SHROOM3: variants seen among roughly 807,000 people sequenced by gnomAD.
SHROOM3 encodes the protein shroom family member 3, also known as protein Shroom3.
SHROOM3 carries 47 observed loss-of-function variants against 138.6 expected under a neutral mutation model. The ratio of observed to expected loss-of-function variants is 0.34; its 90% CI spans 0.27 to 0.43. The LOEUF is 0.43. Among genes scored for constraint, SHROOM3 ranks in the 20% least tolerant of loss-of-function variants. The pLI, the probability that SHROOM3 is intolerant of heterozygous loss-of-function variation, is 1.00. For synonymous variants in SHROOM3, 1,062 were observed against 1,063.3 expected (o/e 1.00, Z 0.02); for missense variants, 2,491 against 2,596.5 (o/e 0.96, Z 0.88).
At chr4:76,463,341 G>A (rs944123098) in intron 1 of SHROOM3, among the ~76,000 whole-genome samples, 1 of 152,214 alleles carries the variant, frequency 6.6e-6, no homozygotes, top group Admixed American at 6.5e-5. Flanking sequence ...TTTCTAAGCA[G>A]CAAAGCATTC....
At chr4:76,720,786 A>G (rs1720522491) in intron 3 of SHROOM3, among the ~76,000 whole-genome samples, 1 of 150,916 alleles carries the variant, frequency 6.6e-6, no homozygotes, top group Admixed American at 6.6e-5. Flanking sequence ...TAATTTTTGT[A>G]TTTTTACTAG....
chr4:76,550,289 T>A (rs1397210766), intron 1 of SHROOM3, among the ~76,000 whole-genome samples: 1 of 152,104 alleles, frequency 6.6e-6, no homozygotes, highest in Non-Finnish European at 1.5e-5. Flanking sequence ...AAAATACTTG[T>A]GAGATGAATG....
chr4:76,744,226 C>T (rs183876952), intron 5 of SHROOM3, among the ~76,000 whole-genome samples: 102 of 152,324 alleles, frequency 6.7e-4, no homozygotes, highest in African/African-American at 2.4e-3. Flanking sequence ...AGTACTTGGG[C>T]ACCCTTTTCA....
intron 2 of SHROOM3, among the ~76,000 whole-genome samples, chr4:76,605,974 C>CATATATATATACATAT (rs1239691520): frequency 3.1e-5 from 4 of 130,290 alleles, no homozygotes; most frequent in Non-Finnish European, 3.2e-5. Context: ...TATATATACA[C>CATATATATATACATAT]ATATACACAC....
chr4:76,507,639 C>T (rs1732240709), intron 1 of SHROOM3, among the ~76,000 whole-genome samples: 1 of 151,406 alleles, frequency 6.6e-6, no homozygotes, highest in South Asian at 2.1e-4. Context: ...CAGGTTCATG[C>T]CATTCTCCTG....
intron 2 of SHROOM3, among the ~76,000 whole-genome samples, chr4:76,703,858 C>A (rs776714521): frequency 1.3e-5 from 2 of 152,198 alleles, no homozygotes; most frequent in African/African-American, 2.4e-5. Context: ...ATAAATGCAT[C>A]CTGTCTACTT....
At chr4:76,670,361 C>T (rs561752898) in intron 2 of SHROOM3, among the ~76,000 whole-genome samples, 1 of 152,118 alleles carries the variant, frequency 6.6e-6, no homozygotes, top group East Asian at 1.9e-4. Flanking sequence ...TATTGTGATT[C>T]AAGTTATTTG....
chr4:76,721,556 T>C (rs1720553004), intron 3 of SHROOM3, among the ~76,000 whole-genome samples: 1 of 152,188 alleles, frequency 6.6e-6, no homozygotes, highest in Non-Finnish European at 1.5e-5. Flanking sequence ...TGAGGGCTTT[T>C]ATTTGAGAAG....
chr4:76,507,126 T>C (rs933648662), intron 1 of SHROOM3, among the ~76,000 whole-genome samples: 7 of 152,308 alleles, frequency 4.6e-5, no homozygotes, highest in African/African-American at 1.7e-4. Context: ...AGTTATCACA[T>C]AACTTTATGC....
chr4:76,770,970 C>A, intron 10 of SHROOM3, 72 bp downstream of exon 10: 1 of 1,575,178 alleles, frequency 6.3e-7, no homozygotes, highest in Non-Finnish European at 8.7e-7. Flanking sequence ...CGCCATTAGA[C>A]GCCATCCTTT....
intron 2 of SHROOM3, chr4:76,639,740 C>T (rs753480096): frequency 1.3e-5 from 5 of 396,024 alleles, no homozygotes; most frequent in African/African-American, 4.1e-5. Flanking sequence ...ACCACTACAG[C>T]GTTACTCTTC....
chr4:76,688,619 C>T (rs934907287), intron 2 of SHROOM3: 103 of 985,256 alleles, frequency 1.0e-4, no homozygotes, highest in Non-Finnish European at 1.2e-4. Flanking sequence ...TTGAAAGAGG[C>T]TGGAAGAACC....
intron 2 of SHROOM3, chr4:76,689,826 GGGCTTTCACGGCCAGCACCCCGGCT>G: frequency 1.1e-6 from 1 of 872,720 alleles, no homozygotes; most frequent in Non-Finnish European, 1.4e-6. Context: ...TGGCTCCCAG[GGGCTTTCACGGCCAGCACCCCGGCT>G]GATGGGGGCA....
chr4:76,546,737 C>T (rs1733227984), intron 1 of SHROOM3, among the ~76,000 whole-genome samples: 1 of 152,160 alleles, frequency 6.6e-6, no homozygotes, highest in Non-Finnish European at 1.5e-5. Context: ...CATATTTTTC[C>T]TCAAACCGCC....
chr4:76,742,437 A>G (rs1164126499), intron 5 of SHROOM3, among the ~76,000 whole-genome samples: 1 of 152,064 alleles, frequency 6.6e-6, no homozygotes, highest in African/African-American at 2.4e-5. Flanking sequence ...AGTGTAATCT[A>G]CATTTATTAT....
chr4:76,574,350 G>A (rs1327891375), intron 2 of SHROOM3, among the ~76,000 whole-genome samples: 1 of 152,066 alleles, frequency 6.6e-6, no homozygotes, highest in African/African-American at 2.4e-5. Flanking sequence ...GGAACTTCTG[G>A]AAAATACAAA....
chr4:76,665,810 T>C (rs1718676765), intron 2 of SHROOM3, among the ~76,000 whole-genome samples: 1 of 152,160 alleles, frequency 6.6e-6, no homozygotes, highest in Admixed American at 6.5e-5. Context: ...TTTTGTAGCA[T>C]AAAATTCAAA....
intron 1 of SHROOM3, among the ~76,000 whole-genome samples, chr4:76,462,287 G>A (rs764451815): frequency 2.0e-5 from 3 of 151,986 alleles, no homozygotes; most frequent in Non-Finnish European, 4.4e-5. Flanking sequence ...TAGGAGAATC[G>A]CTTGAACCCA....
chr4:76,465,250 T>A (rs781214293), intron 1 of SHROOM3, among the ~76,000 whole-genome samples: 2 of 152,224 alleles, frequency 1.3e-5, no homozygotes, highest in Non-Finnish European at 2.9e-5. Context: ...TAAGAAGTTG[T>A]AGTAGCCAAG....
Sources: gnomAD v4.1 joint callset for allele counts (sites outside exome capture counted in the v4.1 genomes callset) on GRCh38, gnomAD v4.1.1 for gene constraint, MANE v1.5 for transcripts, NCBI Gene and HGNC (gene_info 2026-07-23, HGNC 2026-07-21) for gene names.